JAZF1: variants seen among roughly 807,000 people sequenced by gnomAD.
JAZF1 encodes the protein juxtaposed with another zinc finger protein 1.
In JAZF1, 8 loss-of-function variants were observed where a neutral mutation model predicts 26.4. That is an observed-to-expected ratio of 0.30 (90% CI 0.18 to 0.55). JAZF1 has a LOEUF of 0.55. JAZF1 is among the 20% of genes least tolerant of loss of function. The pLI is 0.94. For missense variants in JAZF1, 199 were observed against 322.0 expected, an observed-to-expected ratio of 0.62 and a Z score of 2.92; for synonymous variants, 126 against 122.3, an observed-to-expected ratio of 1.03 and a Z score of -0.20.
Position 27,840,883 on chromosome 7 carries a change from A to G in JAZF1, c.386-16T>C. 1 of 1,613,458 alleles carries G rather than the reference A, an allele frequency of 6.2e-7. No individual in the cohort carries two copies. The highest frequency in any genetic ancestry group is 8.5e-7 in the Non-Finnish European group (1 of 1,179,718). ...TACTCGCTGCCTGCAGGACAAGAGA[A>G]GTGCAAGGACTGTCAGGAGCGCTCA... On this transcript the variant is annotated splice_polypyrimidine_tract_variant and intron_variant, in intron 3 of 4. Coordinates refer to ENST00000283928, the MANE Select transcript of JAZF1 (RefSeq NM_175061.4). The surrounding 1 kb of genome is among the most constrained non-coding windows in gnomAD (Gnocchi z 5.1).
At chr7:27,993,317 G>T (rs1224746595) in intron 1 of JAZF1, among the ~76,000 whole-genome samples, 7 of 152,154 alleles carry the variant, frequency 4.6e-5, no homozygotes, top group Non-Finnish European at 1.0e-4. Context: ...AATGAGAACA[G>T]ATCAGTAGCT....
intron 1 of JAZF1, among the ~76,000 whole-genome samples, chr7:28,176,277 T>C (rs987211721): frequency 2.6e-5 from 4 of 152,244 alleles, no homozygotes; most frequent in Non-Finnish European, 4.4e-5. Context: ...AAGTTCTAAA[T>C]GACCTGCTAG....
chr7:28,170,831 A>C lies in JAZF1; in HGVS notation c.115+9632T>G, dbSNP rs962345252. On this transcript the variant is annotated intron_variant, in intron 1 of 4. Coordinates refer to ENST00000283928, the MANE Select transcript of JAZF1 (RefSeq NM_175061.4). ...CTTAGGCTGTAAAGAGCAAGCACTG[A>C]GTATATGGGCACACCTGGCAGCAAA... Among the ~76,000 whole-genome samples, 15 of 152,318 alleles carry C rather than the reference A, an allele frequency of 9.8e-5. No homozygotes were observed. In the South Asian group the frequency reaches 1.2e-3, roughly 13 times the overall value.
chr7:28,151,766 G>C (rs947689954), intron 1 of JAZF1, among the ~76,000 whole-genome samples: 1 of 151,702 alleles, frequency 6.6e-6, no homozygotes, highest in African/African-American at 2.4e-5. Context: ...ACTCCAGCCT[G>C]GACAAAAAGA....
At chr7:27,848,877 G>A (rs1409483947) in intron 3 of JAZF1, among the ~76,000 whole-genome samples, 1 of 152,114 alleles carries the variant, frequency 6.6e-6, no homozygotes, top group African/African-American at 2.4e-5. Flanking sequence ...CTAAGAATGG[G>A]CAAATTTTGT....
At chr7:28,117,340 T>C (rs1277759140) in intron 1 of JAZF1, among the ~76,000 whole-genome samples, 2 of 152,224 alleles carry the variant, frequency 1.3e-5, no homozygotes, top group East Asian at 1.9e-4. Flanking sequence ...CAGCATTTTA[T>C]GCAGATACAA....
At chr7:28,067,177 C>T (rs1264491414) in intron 1 of JAZF1, among the ~76,000 whole-genome samples, 1 of 152,176 alleles carries the variant, frequency 6.6e-6, no homozygotes, top group Non-Finnish European at 1.5e-5. Context: ...ACTAGGTCCA[C>T]AGCACATGGA....
rs186522357 is a variant in JAZF1 at position 28,178,832 on chromosome 7, C to T, written c.115+1631G>A. On this transcript the variant is annotated intron_variant, in intron 1 of 4. Coordinates refer to ENST00000283928, the MANE Select transcript of JAZF1 (RefSeq NM_175061.4). ...AATGGAAGAAGCTATTACAAGGACG[C>T]CTGAAAACTTGAAAAGTTTCAAAAC... is the stretch of plus-strand genomic sequence containing the variant. Among the ~76,000 whole-genome samples, 181 of 152,328 alleles carry T rather than the reference C, an allele frequency of 1.2e-3. 1 individual carries two copies. The highest frequency in any genetic ancestry group is 3.2e-3 in the Admixed American group (49 of 15,300).
chr7:28,150,569 C>T lies in JAZF1; in HGVS notation c.115+29894G>A, dbSNP rs192141819. On this transcript the variant is annotated intron_variant, in intron 1 of 4. Transcript: ENST00000283928. ...TGTTTTTTTCTCATTGCATGAGGAC[C>T]GGTGGGAACACTGTCATGGGGCCAG... Among the ~76,000 whole-genome samples, 24 of 152,264 alleles carry T rather than the reference C, an allele frequency of 1.6e-4. 1 individual carries two copies. The South Asian group carries it at 3.9e-3, about 25-fold the overall frequency.
intron 2 of JAZF1, among the ~76,000 whole-genome samples, chr7:27,965,156 T>A (rs1023963443): frequency 6.6e-6 from 1 of 152,182 alleles, no homozygotes; most frequent in South Asian, 2.1e-4. Context: ...TAAGCAAAGA[T>A]CTTAACTCTT....
At chr7:27,921,560 C>T (rs972731125) in intron 2 of JAZF1, among the ~76,000 whole-genome samples, 16 of 152,162 alleles carry the variant, frequency 1.1e-4, no homozygotes, top group African/African-American at 3.9e-4. Context: ...AGAAGACTCA[C>T]TGAAAAAGAG....
intron 3 of JAZF1, among the ~76,000 whole-genome samples, chr7:27,872,727 T>G (rs1457552575): frequency 6.6e-6 from 1 of 152,220 alleles, no homozygotes; most frequent in Admixed American, 6.5e-5. Flanking sequence ...AGCTGTAATC[T>G]TGGGTTAAAA....
At chr7:27,861,087 A>C (rs905294314) in intron 3 of JAZF1, among the ~76,000 whole-genome samples, 2 of 152,056 alleles carry the variant, frequency 1.3e-5, no homozygotes, top group African/African-American at 4.8e-5. Context: ...GGGAGGTAAA[A>C]TCTGGAGTCC....
At chr7:28,001,570 T>C (rs1464823461) in intron 1 of JAZF1, among the ~76,000 whole-genome samples, 1 of 152,188 alleles carries the variant, frequency 6.6e-6, no homozygotes, top group African/African-American at 2.4e-5. Context: ...ATGATGAGTC[T>C]GAATAGAAGA....
intron 1 of JAZF1, among the ~76,000 whole-genome samples, chr7:28,177,668 T>C (rs962630061): frequency 2.0e-5 from 3 of 152,194 alleles, no homozygotes; most frequent in Non-Finnish European, 4.4e-5. Flanking sequence ...TCTTATTCTT[T>C]TCATGAATCT....
intron 1 of JAZF1, among the ~76,000 whole-genome samples, chr7:28,128,207 T>C (rs1268685224): frequency 6.6e-6 from 1 of 152,110 alleles, no homozygotes; most frequent in Non-Finnish European, 1.5e-5. Context: ...TAGCAGCTGA[T>C]GCAACACCTG....
chr7:27,986,853 C>A (rs570770509), intron 2 of JAZF1, among the ~76,000 whole-genome samples: 43 of 152,148 alleles, frequency 2.8e-4, no homozygotes, highest in Non-Finnish European at 5.1e-4. Flanking sequence ...GACGGGGTTT[C>A]GCCGTGTTGG....
intron 3 of JAZF1, among the ~76,000 whole-genome samples, chr7:27,856,778 T>C (rs1479258042): frequency 6.6e-6 from 1 of 152,174 alleles, no homozygotes; most frequent in Non-Finnish European, 1.5e-5. Flanking sequence ...CACAATCCCT[T>C]AGCTAGACAT....
At chr7:28,067,108 T>C (rs958857857) in intron 1 of JAZF1, among the ~76,000 whole-genome samples, 4 of 152,148 alleles carry the variant, frequency 2.6e-5, no homozygotes, top group African/African-American at 4.8e-5. Flanking sequence ...ACAAAAACTC[T>C]AGGAGAAAAT....
Sources: allele counts gnomAD v4.1 joint callset (sites outside exome capture counted in the v4.1 genomes callset), GRCh38; gene constraint gnomAD v4.1.1; non-coding constraint Gnocchi (gnomAD v3.1); transcripts MANE v1.5; gene names NCBI Gene and HGNC (gene_info 2026-07-23, HGNC 2026-07-21).